Variants in CCSER1 observed in about 807,000 individuals in gnomAD.
CCSER1 encodes serine-rich coiled-coil domain-containing protein 1.
CCSER1 carries 41 observed loss-of-function variants against 82.0 expected under a neutral mutation model. The ratio of observed to expected loss-of-function variants is 0.50; its 90% CI spans 0.39 to 0.65. The LOEUF (loss-of-function observed/expected upper bound fraction) is 0.65. Among genes scored for constraint, CCSER1 ranks in the 30% least tolerant of loss-of-function variants. CCSER1 has a pLI of 0.00. For synonymous variants in CCSER1, 414 were observed against 383.9 expected (o/e 1.08, Z -0.92); for missense variants, 1,119 against 1,064.2 (o/e 1.05, Z -0.72).
chr4:91,325,986 G>GT lies in CCSER1; in HGVS notation c.2217+240003dup, dbSNP rs10718334. ...GAGTTTTCTTTGAAAGAGTAGCTTT[G>GT]TTTTTTTTTTTAAGTTGTTAAATTT... is the stretch of plus-strand genomic sequence containing the variant. On this transcript the variant is annotated intron_variant, in intron 10 of 10. Transcript: ENST00000509176. Among the ~76,000 whole-genome samples the GT allele has an allele frequency of 6.7e-5, 10 of 149,490 alleles. 1 individual carries two copies. The South Asian group carries it at 8.4e-4, about 13-fold the overall frequency.
intron 9 of CCSER1, among the ~76,000 whole-genome samples, chr4:90,992,049 T>C (rs1021530079): frequency 3.3e-5 from 5 of 152,212 alleles, no homozygotes; most frequent in African/African-American, 1.2e-4. Context: ...TGAACTGACC[T>C]AAGTCAGCCT....
chr4:91,281,250 T>C (rs764655805), intron 10 of CCSER1, among the ~76,000 whole-genome samples: 18 of 152,208 alleles, frequency 1.2e-4, no homozygotes, highest in Non-Finnish European at 2.5e-4. Context: ...TTCTTTCTTA[T>C]GGGATCTATT....
At chr4:90,156,480 G>A (rs552968439) in intron 1 of CCSER1, among the ~76,000 whole-genome samples, 2 of 152,264 alleles carry the variant, frequency 1.3e-5, no homozygotes, top group East Asian at 3.9e-4. Context: ...GGGCGTTAAA[G>A]TCTCCCATTA....
chr4:91,266,124 T>A, intron 10 of CCSER1, among the ~76,000 whole-genome samples: 1 of 152,194 alleles, frequency 6.6e-6, no homozygotes, highest in East Asian at 1.9e-4. Context: ...GTGGAAATTA[T>A]GGAAACTACA....
Position 91,595,086 on chromosome 4 carries a change from A to C in CCSER1, c.2218-3486A>C, listed in dbSNP as rs79208635. Among the ~76,000 whole-genome samples, 330 of 152,040 alleles carry C rather than the reference A, an allele frequency of 2.2e-3. 2 individuals carry two copies. Among genetic ancestry groups the C allele is most frequent in the African/African-American group, 7.6e-3 (316 of 41,510 alleles). On this transcript the variant is annotated intron_variant, in intron 10 of 10. Transcript: ENST00000509176. The stretch of plus-strand genomic sequence containing the variant: ...CAAAACCAAAAAAACCTACTCATCC[A>C]ATACTATAGCCCTTCCCAGGGCCTG...
At chr4:90,143,337 T>A (rs555506583) in intron 1 of CCSER1, among the ~76,000 whole-genome samples, 1 of 152,292 alleles carries the variant, frequency 6.6e-6, no homozygotes, top group African/African-American at 2.4e-5. Context: ...CCATATACCT[T>A]TCTTTCATAG....
intron 7 of CCSER1, among the ~76,000 whole-genome samples, chr4:90,813,440 G>A (rs147375686): frequency 6.6e-6 from 1 of 152,322 alleles, no homozygotes; most frequent in East Asian, 1.9e-4. Context: ...CTGGTGGTGA[G>A]TGCCTGATAT....
chr4:90,136,906 C>G (rs771587000), intron 1 of CCSER1, among the ~76,000 whole-genome samples: 1 of 152,090 alleles, frequency 6.6e-6, no homozygotes, highest in Non-Finnish European at 1.5e-5. Context: ...AAACAAGACC[C>G]AAATTCATTG....
At chr4:91,567,437 A>T (rs2110272682) in intron 10 of CCSER1, among the ~76,000 whole-genome samples, 1 of 150,714 alleles carries the variant, frequency 6.6e-6, no homozygotes, top group African/African-American at 2.4e-5. Context: ...GAATATGTTT[A>T]TTAAATTTTC....
chr4:91,317,129 T>C (rs1346792808), intron 10 of CCSER1, among the ~76,000 whole-genome samples: 1 of 151,958 alleles, frequency 6.6e-6, no homozygotes, highest in Non-Finnish European at 1.5e-5. Flanking sequence ...TATACATATA[T>C]CACATTACAT....
At chr4:90,352,965 A>T (rs1315026035) in intron 3 of CCSER1, among the ~76,000 whole-genome samples, 1 of 148,042 alleles carries the variant, frequency 6.8e-6, no homozygotes, top group Non-Finnish European at 1.5e-5. Flanking sequence ...ATAGCCTGCA[A>T]TATGCAGAGC....
intron 1 of CCSER1, among the ~76,000 whole-genome samples, chr4:90,221,419 A>T (rs1162858355): frequency 6.6e-6 from 1 of 152,186 alleles, no homozygotes; most frequent in Non-Finnish European, 1.5e-5. Flanking sequence ...CAGCATATTT[A>T]CAGAGCACCT....
At chr4:90,833,001 T>C (rs957857630) in intron 8 of CCSER1, among the ~76,000 whole-genome samples, 4 of 152,346 alleles carry the variant, frequency 2.6e-5, no homozygotes, top group Middle Eastern at 3.4e-3. Context: ...CAATGGTCTT[T>C]CGTTATTCAC....
intron 1 of CCSER1, among the ~76,000 whole-genome samples, chr4:90,254,386 T>C (rs1312391793): frequency 6.6e-6 from 1 of 152,192 alleles, no homozygotes; most frequent in Non-Finnish European, 1.5e-5. Context: ...CAGTAGCCTC[T>C]GTTCTTGTCA....
intron 10 of CCSER1, among the ~76,000 whole-genome samples, chr4:91,167,021 G>C (rs1165285561): frequency 1.3e-5 from 2 of 152,000 alleles, no homozygotes; most frequent in African/African-American, 4.8e-5. Flanking sequence ...GGTATGTTAA[G>C]ATAGCTTTTA....
At chr4:90,923,469 T>C in intron 9 of CCSER1, 22 bp downstream of exon 9, 3 of 1,502,058 alleles carry the variant, frequency 2.0e-6, no homozygotes, top group Non-Finnish European at 2.7e-6. Flanking sequence ...TGTAAAACCA[T>C]TTTTAACTTC....
chr4:90,148,797 A>C (rs542158664), intron 1 of CCSER1, among the ~76,000 whole-genome samples: 6 of 151,860 alleles, frequency 4.0e-5, no homozygotes, highest in African/African-American at 7.3e-5. Context: ...TTTTTTCTCT[A>C]TCTTATTCTG....
chr4:90,438,987 A>G (rs1025069058), intron 4 of CCSER1, among the ~76,000 whole-genome samples: 8 of 152,230 alleles, frequency 5.3e-5, no homozygotes, highest in East Asian at 1.9e-4. Flanking sequence ...CTATTATGCT[A>G]TTATTCATTT....
chr4:91,136,471 C>T (rs1383492690), intron 10 of CCSER1, among the ~76,000 whole-genome samples: 3 of 152,154 alleles, frequency 2.0e-5, no homozygotes, highest in Non-Finnish European at 2.9e-5. Flanking sequence ...CAGAATTCTA[C>T]TCTAATCTTT....
Sources: gnomAD v4.1 joint callset for allele counts (sites outside exome capture counted in the v4.1 genomes callset) on GRCh38, gnomAD v4.1.1 for gene constraint, MANE v1.5 for transcripts, NCBI Gene and HGNC (gene_info 2026-07-23, HGNC 2026-07-21) for gene names.